The following WNK2 variants were observed in gnomAD, a reference collection of about 807,000 sequenced individuals.
WNK2 encodes the protein WNK lysine deficient protein kinase 2, also known as serine/threonine-protein kinase WNK2.
A neutral mutation model predicts 192.1 loss-of-function variants in WNK2; 67 were observed. That is an observed-to-expected ratio of 0.35 (90% CI 0.29 to 0.43). The LOEUF is 0.43. WNK2 is among the 20% of genes least tolerant of loss of function. The pLI, the probability that WNK2 is intolerant of heterozygous loss-of-function variation, is 1.00. For missense variants in WNK2, 2,698 were observed against 3,089.7 expected, an observed-to-expected ratio of 0.87 and a Z score of 3.01; for synonymous variants, 1,439 against 1,393.9, an observed-to-expected ratio of 1.03 and a Z score of -0.72.
chr9:93,289,486 G>A lies in WNK2; in HGVS notation c.4732G>A (p.Val1578Met), dbSNP rs747600904. The A allele has an allele frequency of 1.4e-5, 23 of 1,609,746 alleles. No homozygotes were observed. In the African/African-American group the frequency reaches 2.7e-4, roughly 19 times the overall value. Reference protein sequence around the residue: ...SSASAGTPVEVGDRDFTLEPL... With the variant: ...SSASAGTPVEMGDRDFTLEPL... ...AGCCTCAGCTGGGACCCCTGTGGAG[G>A]TGGGCGACAGAGACTTCACCCTGGA... is the stretch of plus-strand genomic sequence containing the variant. The change falls in exon 20 of 30, where the codon GTG (valine) becomes ATG (methionine). Residue 1578 changes from valine to methionine, a missense_variant. Val to Met is a conservative substitution (Grantham distance 21). This residue lies in a region of WNK2 where 1,098 missense variants were observed against 1,101.0 expected (regional missense o/e 1.00). Coordinates refer to ENST00000427277, the MANE Select transcript of WNK2 (RefSeq NM_006648.4).
rs1245733869 is a variant in WNK2, at chr9:93,259,180, C to T, written c.2632C>T (p.Pro878Ser). ...GGCCATGCCCTGCCGGACCATTGTG[C>T]CAAATGCACCGGCCACTATCCCCCT... Reference protein sequence around the residue: ...PLAMPCRTIVPNAPATIPLLA... With the variant: ...PLAMPCRTIVSNAPATIPLLA... Residue 878 changes from proline to serine, a missense_variant, in exon 12 of 30, where the codon CCA becomes TCA. By Grantham distance (74) the Pro-to-Ser change is moderately conservative. This residue lies in a region of WNK2 where 893 missense variants were observed against 909.0 expected (regional missense o/e 0.98). Coordinates refer to ENST00000427277, the MANE Select transcript of WNK2 (RefSeq NM_006648.4). The surrounding 1 kb of genome is among the most constrained non-coding windows in gnomAD (Gnocchi z 4.8). 1 of 1,612,718 alleles carries T rather than the reference C, an allele frequency of 6.2e-7. No homozygotes were observed. Among genetic ancestry groups the T allele is most frequent in the South Asian group, 1.1e-5 (1 of 91,066 alleles).
chr9:93,214,646 G>C (rs1835368378), intron 2 of WNK2, among the ~76,000 whole-genome samples: 1 of 149,014 alleles, frequency 6.7e-6, no homozygotes, highest in African/African-American at 2.5e-5. Context: ...ATTTTACATG[G>C]TTTCTGTTGA....
intron 28 of WNK2, among the ~76,000 whole-genome samples, chr9:93,314,824 T>A (rs1042408555): frequency 6.6e-6 from 1 of 152,104 alleles, no homozygotes; most frequent in African/African-American, 2.4e-5. Flanking sequence ...AAATCACCCT[T>A]CTTTGGTGAG....
intron 2 of WNK2, among the ~76,000 whole-genome samples, chr9:93,191,637 G>C (rs1830347902): frequency 6.6e-6 from 1 of 152,072 alleles, no homozygotes; most frequent in Non-Finnish European, 1.5e-5. Flanking sequence ...TACAGGGCTG[G>C]TACTGGGTGG....
chr9:93,188,996 A>G (rs1170689330), intron 2 of WNK2, among the ~76,000 whole-genome samples: 1 of 152,110 alleles, frequency 6.6e-6, no homozygotes, highest in Non-Finnish European at 1.5e-5. Context: ...CTGGACCAAC[A>G]CTGTTCCATG....
intron 2 of WNK2, among the ~76,000 whole-genome samples, chr9:93,204,354 A>C (rs1197678755): frequency 6.6e-6 from 1 of 152,178 alleles, no homozygotes; most frequent in African/African-American, 2.4e-5. Context: ...GAATGGAGAA[A>C]GTATATTAGG....
intron 2 of WNK2, among the ~76,000 whole-genome samples, chr9:93,214,676 T>A (rs1200474098): frequency 1.4e-5 from 2 of 146,222 alleles, no homozygotes; most frequent in South Asian, 4.7e-4. Flanking sequence ...TCAGTCTACT[T>A]GCTGCCCCTT....
At position 93,229,434 on chromosome 9, in the gene WNK2, G is replaced by A. The variant is rs991212929; in HGVS notation, c.682-262G>A. On this transcript the variant is annotated intron_variant, in intron 2 of 29. Coordinates refer to ENST00000427277, the MANE Select transcript of WNK2 (RefSeq NM_006648.4). The surrounding 1 kb of genome is among the most constrained non-coding windows in gnomAD (Gnocchi z 4.9). ...TTGGAAAAAGTGCTCAAGTGTGGCC[G>A]TGTGGATTTGCGAGACCTCTTCGGC... 2.6e-5 allele frequency among the ~76,000 whole-genome samples: 4 copies of A among 152,208 alleles called. No homozygotes were observed. Among genetic ancestry groups the A allele is most frequent in the African/African-American group, 7.2e-5 (3 of 41,454 alleles).
intron 2 of WNK2, among the ~76,000 whole-genome samples, chr9:93,228,514 C>T (rs555887913): frequency 1.2e-4 from 19 of 152,172 alleles, no homozygotes; most frequent in Non-Finnish European, 2.5e-4. Flanking sequence ...GGAAAATACA[C>T]GTTTCTTTTC....
intron 19 of WNK2, among the ~76,000 whole-genome samples, chr9:93,275,208 A>G (rs1326397494): frequency 6.6e-6 from 1 of 152,188 alleles, no homozygotes; most frequent in African/African-American, 2.4e-5. Context: ...TACAACATCC[A>G]TTCATGACAA....
chr9:93,195,957 CT>C (rs1831211327), intron 2 of WNK2, among the ~76,000 whole-genome samples: 1 of 152,038 alleles, frequency 6.6e-6, no homozygotes, highest in Non-Finnish European at 1.5e-5. Flanking sequence ...ATTTTGAACC[CT>C]TTGCTGAGGG....
At chr9:93,270,732 C>G (rs1311239968) in intron 19 of WNK2, among the ~76,000 whole-genome samples, 2 of 152,138 alleles carry the variant, frequency 1.3e-5, no homozygotes, top group Non-Finnish European at 2.9e-5. Context: ...GCTCACCCCC[C>G]TTCTCTTGCA....
At chr9:93,222,285 C>A (rs1296550459) in intron 2 of WNK2, among the ~76,000 whole-genome samples, 2 of 152,190 alleles carry the variant, frequency 1.3e-5, no homozygotes, top group Non-Finnish European at 2.9e-5. Flanking sequence ...TCTCCCATCT[C>A]AGCCTCCCAA....
intron 29 of WNK2, chr9:93,318,240 G>C: frequency 2.0e-6 from 3 of 1,493,170 alleles, no homozygotes; most frequent in African/African-American, 1.4e-5. Flanking sequence ...AAGTTGCAGA[G>C]ATGTGAATGG....
At chr9:93,209,819 G>A (rs1834160420) in intron 2 of WNK2, among the ~76,000 whole-genome samples, 1 of 152,170 alleles carries the variant, frequency 6.6e-6, no homozygotes. Context: ...GATCCCAGGG[G>A]AGATTCTCCA....
chr9:93,201,118 C>G (rs11999413), intron 2 of WNK2, among the ~76,000 whole-genome samples: 87,633 of 151,958 alleles, frequency 0.58, 25,925 homozygotes, highest in Non-Finnish European at 0.65. Context: ...TGGTACCACC[C>G]ATCCTTTCCA....
At position 93,261,956 on chromosome 9, in the gene WNK2, C is replaced by T; in HGVS notation, c.3209C>T (p.Pro1070Leu). The T allele has an allele frequency of 6.2e-7, 1 of 1,611,640 alleles. No homozygotes were observed. The highest frequency in any genetic ancestry group is 8.5e-7 in the Non-Finnish European group (1 of 1,179,732). Reference protein sequence around the residue: ...PAAPELLPQFPSSLATVSASV... With the variant: ...PAAPELLPQFLSSLATVSASV... ...GCCCCTGAGCTCCTGCCTCAGTTCCCCAGCTCCCTGGCCACGGTGTCTGCC... is the reference window on the plus strand; with the variant it reads ...GCCCCTGAGCTCCTGCCTCAGTTCCTCAGCTCCCTGGCCACGGTGTCTGCC... Residue 1070 changes from proline to leucine, a missense_variant, in exon 13 of 30, where the codon CCC (proline) becomes CTC (leucine). Transcript: ENST00000427277.
chr9:93,289,856 A>G, intron 20 of WNK2, 122 bp from the exon 21 acceptor site: 1 of 1,030,906 alleles, frequency 9.7e-7, no homozygotes, highest in Admixed American at 2.5e-5. Context: ...ATCCATGCAC[A>G]CACAGGGGCT....
chr9:93,267,835 C>A lies in WNK2; in HGVS notation c.3786C>A (p.Ser1262Arg), dbSNP rs763024577. The change falls in exon 17 of 30, where the codon AGC (serine) becomes AGA (arginine). Residue 1262 changes from serine (S) to arginine (R), a missense_variant. Physicochemically the swap from Ser to Arg is moderately radical, Grantham distance 110. Around this residue, in one of 7 missense-constraint regions of WNK2, gnomAD observed 1,098 missense variants for 1,101.0 expected, o/e 1.00. Coordinates refer to ENST00000427277, the MANE Select transcript of WNK2 (RefSeq NM_006648.4). Reference protein sequence around the residue: ...DVMDKAEDMLSEDTDADRGSD... With the variant: ...DVMDKAEDMLREDTDADRGSD... The stretch of plus-strand genomic sequence containing the variant: ...TGGACAAGGCAGAGGACATGCTCAG[C>A]GAGGACACAGACGCCGACCGTGGCT... The A allele has an allele frequency of 6.2e-7, 1 of 1,612,366 alleles. No homozygotes were observed. The highest frequency in any genetic ancestry group is 8.5e-7 in the Non-Finnish European group (1 of 1,179,474).
Sources: gnomAD v4.1 joint callset for allele counts (sites outside exome capture counted in the v4.1 genomes callset) on GRCh38, gnomAD v4.1.1 for gene constraint, gnomAD v4.1.1 regional missense constraint, Gnocchi (gnomAD v3.1) non-coding constraint, MANE v1.5 for transcripts, NCBI Gene and HGNC (gene_info 2026-07-23, HGNC 2026-07-21) for gene names.